XKR9: variants seen among roughly 807,000 people sequenced by gnomAD.
The protein encoded by XKR9 is XK-related protein 9.
Under a neutral mutation model 32.0 loss-of-function variants are expected in XKR9, and 32 were observed. The ratio of observed to expected loss-of-function variants is 1.00; its 90% CI spans 0.76 to 1.34. The LOEUF is 1.34. Among genes scored for constraint, XKR9 ranks in the 40% most tolerant of loss-of-function variants. The pLI is 0.00. For synonymous variants in XKR9, 168 were observed against 143.4 expected (o/e 1.17, Z -1.22); for missense variants, 546 against 429.7 (o/e 1.27, Z -2.39).
the XKR9 span, among the ~76,000 whole-genome samples, chr8:70,930,596 C>A: frequency 6.6e-6 from 1 of 152,152 alleles, no homozygotes; most frequent in African/African-American, 2.4e-5. Flanking sequence ...TTATTTCAAG[C>A]CACTTGGCAC....
the XKR9 span, among the ~76,000 whole-genome samples, chr8:70,977,827 C>T: frequency 2.6e-5 from 4 of 152,184 alleles, no homozygotes; most frequent in Admixed American, 2.6e-4. Context: ...CTAATATTGA[C>T]AGTGGGTTGT....
chr8:70,805,974 T>C, the XKR9 span, among the ~76,000 whole-genome samples: 1 of 152,146 alleles, frequency 6.6e-6, no homozygotes, highest in Non-Finnish European at 1.5e-5. Flanking sequence ...ACAGGAGTTG[T>C]CTGTCAGACA....
chr8:70,767,034 A>G (rs1322497182), intron 2 of XKR9, among the ~76,000 whole-genome samples: 1 of 152,214 alleles, frequency 6.6e-6, no homozygotes, highest in African/African-American at 2.4e-5. Flanking sequence ...ATCAATGTTC[A>G]TCAGGGATAT....
the XKR9 span, among the ~76,000 whole-genome samples, chr8:70,911,658 G>A: frequency 1.3e-5 from 2 of 152,310 alleles, no homozygotes; most frequent in South Asian, 4.1e-4. Flanking sequence ...TAAGAAGTAT[G>A]AAACCAAACA....
chr8:70,917,595 A>G, the XKR9 span, among the ~76,000 whole-genome samples: 5 of 152,194 alleles, frequency 3.3e-5, no homozygotes, highest in Non-Finnish European at 7.4e-5. Flanking sequence ...AGGAACATCT[A>G]TAGTTTCTGG....
the XKR9 span, among the ~76,000 whole-genome samples, chr8:70,879,427 G>T: frequency 6.6e-6 from 1 of 151,886 alleles, no homozygotes; most frequent in Non-Finnish European, 1.5e-5. Flanking sequence ...TAATGAAGAA[G>T]AAAAGAGAGA....
At chr8:70,950,824 C>A in the XKR9 span, among the ~76,000 whole-genome samples, 1 of 151,838 alleles carries the variant, frequency 6.6e-6, no homozygotes, top group Non-Finnish European at 1.5e-5. Flanking sequence ...CAGGCACCCA[C>A]CACCATGCCC....
At chr8:70,676,039 G>A (rs1014743879) in intron 2 of XKR9, among the ~76,000 whole-genome samples, 5 of 152,164 alleles carry the variant, frequency 3.3e-5, no homozygotes, top group African/African-American at 9.7e-5. Context: ...AAGAAAATAA[G>A]TTTAATAGGC....
chr8:70,864,419 A>G, the XKR9 span, among the ~76,000 whole-genome samples: 2 of 152,210 alleles, frequency 1.3e-5, no homozygotes, highest in African/African-American at 4.8e-5. Flanking sequence ...TATAGAAAGC[A>G]GAGAACAATG....
chr8:70,820,347 G>A, the XKR9 span, among the ~76,000 whole-genome samples: 1 of 152,162 alleles, frequency 6.6e-6, no homozygotes, highest in African/African-American at 2.4e-5. Context: ...AATTTATAAA[G>A]AAAAGGGGTT....
At chr8:70,983,534 A>G in the XKR9 span, among the ~76,000 whole-genome samples, 1 of 152,032 alleles carries the variant, frequency 6.6e-6, no homozygotes, top group Non-Finnish European at 1.5e-5. Context: ...TAATCCCAGC[A>G]CTTTGGGAGG....
the XKR9 span, among the ~76,000 whole-genome samples, chr8:70,980,652 C>A: frequency 1.3e-5 from 2 of 152,144 alleles, no homozygotes; most frequent in Non-Finnish European, 2.9e-5. Context: ...ATGTGAGGTA[C>A]TATTCTATTC....
chr8:70,774,820 G>A (rs1288063010), intron 2 of XKR9, among the ~76,000 whole-genome samples: 1 of 152,000 alleles, frequency 6.6e-6, no homozygotes, highest in African/African-American at 2.4e-5. Context: ...AATATTGCAA[G>A]CCCTGCAACT....
At chr8:70,726,878 G>C (rs932805233) in intron 4 of XKR9, among the ~76,000 whole-genome samples, 3 of 152,154 alleles carry the variant, frequency 2.0e-5, no homozygotes, top group Non-Finnish European at 4.4e-5. Context: ...CAATGCTCCT[G>C]CTCCTCCTCT....
chr8:70,925,791 A>G, the XKR9 span, among the ~76,000 whole-genome samples: 18 of 152,216 alleles, frequency 1.2e-4, no homozygotes, highest in Non-Finnish European at 2.2e-4. Flanking sequence ...TAAGATAGAC[A>G]CACTTGTTAC....
the XKR9 span, among the ~76,000 whole-genome samples, chr8:70,896,891 A>G: frequency 6.6e-6 from 1 of 151,870 alleles, no homozygotes; most frequent in East Asian, 1.9e-4. Context: ...ATCCAATTAT[A>G]CTCTTTTAGT....
chr8:70,908,174 T>C, the XKR9 span, among the ~76,000 whole-genome samples: 4 of 149,792 alleles, frequency 2.7e-5, no homozygotes, highest in African/African-American at 9.9e-5. Flanking sequence ...CAATGAGGAG[T>C]AATTAATTCA....
the XKR9 span, among the ~76,000 whole-genome samples, chr8:70,992,431 C>T: frequency 1.3e-5 from 2 of 152,076 alleles, no homozygotes; most frequent in Non-Finnish European, 2.9e-5. Flanking sequence ...CGACCACTCA[C>T]CTTCTACCAG....
At chr8:70,836,093 T>C in the XKR9 span, among the ~76,000 whole-genome samples, 1 of 152,126 alleles carries the variant, frequency 6.6e-6, no homozygotes, top group Non-Finnish European at 1.5e-5. Context: ...TCTTATTTTT[T>C]GGTGCATTTC....
Sources: allele counts gnomAD v4.1 joint callset (sites outside exome capture counted in the v4.1 genomes callset), GRCh38; gene constraint gnomAD v4.1.1; transcripts MANE v1.5; gene names NCBI Gene and HGNC (gene_info 2026-07-23, HGNC 2026-07-21).